PCDH9: variants seen among roughly 807,000 people sequenced by gnomAD.
PCDH9 encodes protocadherin 9.
PCDH9 carries 24 observed loss-of-function variants against 70.6 expected under a neutral mutation model. That is an observed-to-expected ratio of 0.34 (90% CI 0.25 to 0.48). The LOEUF is 0.48. PCDH9 is among the 20% of genes least tolerant of loss of function. PCDH9 has a pLI of 0.99. For synonymous variants in PCDH9, 562 were observed against 558.5 expected (o/e 1.01, Z -0.09); for missense variants, 1,281 against 1,503.6 (o/e 0.85, Z 2.45).
intron 3 of PCDH9, among the ~76,000 whole-genome samples, chr13:66,713,349 G>T (rs966673484): frequency 1.3e-5 from 2 of 151,734 alleles, no homozygotes; most frequent in Non-Finnish European, 2.9e-5. Flanking sequence ...TAAAATGATT[G>T]CTGTCTTAGG....
intron 3 of PCDH9, among the ~76,000 whole-genome samples, chr13:66,756,867 G>T (rs1339476240): frequency 6.6e-6 from 1 of 152,064 alleles, no homozygotes; most frequent in Non-Finnish European, 1.5e-5. Context: ...CAGAGTCCTA[G>T]CTCCATCACC....
rs997886170 is a variant in PCDH9 at position 66,730,249 on chromosome 13, C to A, written c.3139-98838G>T. 5.9e-5 allele frequency among the ~76,000 whole-genome samples: 9 copies of A among 152,102 alleles called. 1 individual carries two copies. The South Asian group carries it at 1.9e-3, about 32-fold the overall frequency. On this transcript the variant is annotated intron_variant, in intron 3 of 4. Transcript: ENST00000377865. ...TTTTCTTTTAAACTGAAGATATTGA[C>A]AAGCTTTCCTGTCATTTAAAAATAT...
At chr13:66,628,863 C>T (rs2077533267) in intron 4 of PCDH9, among the ~76,000 whole-genome samples, 2 of 151,938 alleles carry the variant, frequency 1.3e-5, no homozygotes, top group Non-Finnish European at 2.9e-5. Context: ...CTCAGTTGGC[C>T]CTGGCTAAAA....
intron 4 of PCDH9, among the ~76,000 whole-genome samples, chr13:66,625,748 C>A (rs2077489857): frequency 6.6e-6 from 1 of 151,762 alleles, no homozygotes; most frequent in Admixed American, 6.6e-5. Flanking sequence ...GCAATTTCCA[C>A]CTCCTGGGTT....
chr13:67,195,448 TCTTTA>T (rs1243439525), intron 2 of PCDH9, among the ~76,000 whole-genome samples: 1 of 152,114 alleles, frequency 6.6e-6, no homozygotes, highest in Non-Finnish European at 1.5e-5. Context: ...CATTTTGAGA[TCTTTA>T]AAAGTAACTG....
chr13:66,509,644 G>A (rs184242901), intron 4 of PCDH9, among the ~76,000 whole-genome samples: 1 of 152,106 alleles, frequency 6.6e-6, no homozygotes, highest in Non-Finnish European at 1.5e-5. Context: ...GTAGAGACAA[G>A]GTCTCATTAT....
intron 2 of PCDH9, among the ~76,000 whole-genome samples, chr13:67,057,483 T>C (rs2085445991): frequency 6.6e-6 from 1 of 151,974 alleles, no homozygotes; most frequent in African/African-American, 2.4e-5. Flanking sequence ...ACTTTTTTCC[T>C]GGGGAGGCAT....
At chr13:67,024,837 A>G (rs530025399) in intron 2 of PCDH9, among the ~76,000 whole-genome samples, 27 of 152,254 alleles carry the variant, frequency 1.8e-4, no homozygotes, top group African/African-American at 6.5e-4. Flanking sequence ...ACTCTTTTCC[A>G]TATTTAAAAA....
chr13:66,940,285 G>T (rs75779611), intron 2 of PCDH9, among the ~76,000 whole-genome samples: 3 of 152,080 alleles, frequency 2.0e-5, no homozygotes, highest in Non-Finnish European at 4.4e-5. Flanking sequence ...ACATCCTGAC[G>T]AATGAGTCAT....
At chr13:66,646,804 G>A (rs2077777008) in intron 3 of PCDH9, among the ~76,000 whole-genome samples, 1 of 152,202 alleles carries the variant, frequency 6.6e-6, no homozygotes, top group African/African-American at 2.4e-5. Flanking sequence ...TTGAAGAGGG[G>A]TAGAAAAGAA....
intron 2 of PCDH9, among the ~76,000 whole-genome samples, chr13:67,151,194 A>T (rs1925753): frequency 0.61 from 89,957 of 146,414 alleles, 27,032 homozygotes; most frequent in Middle Eastern, 0.7. Context: ...CTCCTTTTTT[A>T]AAAAAAAATC....
At chr13:66,684,022 G>A (rs2078365027) in intron 3 of PCDH9, among the ~76,000 whole-genome samples, 1 of 152,176 alleles carries the variant, frequency 6.6e-6, no homozygotes, top group Non-Finnish European at 1.5e-5. Context: ...CTTCCAGGGA[G>A]AGGGATGTTT....
At chr13:66,408,698 ACT>A (rs1027084297) in intron 4 of PCDH9, among the ~76,000 whole-genome samples, 1 of 145,336 alleles carries the variant, frequency 6.9e-6, no homozygotes, top group Admixed American at 6.9e-5. Context: ...GCTTTACCCC[ACT>A]CTCTCTTTTT....
chr13:66,446,015 T>C (rs1958081742), intron 4 of PCDH9, among the ~76,000 whole-genome samples: 1 of 151,822 alleles, frequency 6.6e-6, no homozygotes, highest in Admixed American at 6.6e-5. Flanking sequence ...AACTTGTCTT[T>C]CAAACTATTT....
intron 2 of PCDH9, among the ~76,000 whole-genome samples, chr13:67,159,431 T>TACTACTGGCAC (rs1411777572): frequency 5.9e-5 from 9 of 152,310 alleles, no homozygotes; most frequent in African/African-American, 1.9e-4. Flanking sequence ...ACATCTGGCA[T>TACTACTGGCAC]ACTACTGGCA....
At chr13:66,546,924 A>G (rs1213518197) in intron 4 of PCDH9, among the ~76,000 whole-genome samples, 1 of 152,208 alleles carries the variant, frequency 6.6e-6, no homozygotes, top group African/African-American at 2.4e-5. Context: ...TTCCTAGCCT[A>G]GGAGCAAATT....
chr13:67,109,502 C>T (rs2086613767), intron 2 of PCDH9, among the ~76,000 whole-genome samples: 1 of 152,174 alleles, frequency 6.6e-6, no homozygotes, highest in South Asian at 2.1e-4. Flanking sequence ...CTTCCCTATT[C>T]ATAAGCACAA....
rs73503886 is a variant in PCDH9 at position 66,305,836 on chromosome 13, T to C, written c.3341-808A>G. 9.3e-3 allele frequency among the ~76,000 whole-genome samples: 1,420 copies of C among 152,222 alleles called. 25 individuals carry two copies. The highest frequency in any genetic ancestry group is 0.032 in the African/African-American group (1,332 of 41,572). ...ACATTCAGGGGGAAGAAAGTGATCATAGAATTTATCTTCTACTTTTTTCAC... is the reference window on the plus strand; with the variant it reads ...ACATTCAGGGGGAAGAAAGTGATCACAGAATTTATCTTCTACTTTTTTCAC... On this transcript the variant is annotated intron_variant, in intron 4 of 4. Transcript: ENST00000377865.
chr13:66,908,386 G>C (rs1363785482), intron 2 of PCDH9, among the ~76,000 whole-genome samples: 2 of 152,308 alleles, frequency 1.3e-5, no homozygotes, highest in East Asian at 3.9e-4. Context: ...GAAAGGACTA[G>C]AGAGGATAAA....
Sources: allele counts gnomAD v4.1 joint callset (sites outside exome capture counted in the v4.1 genomes callset), GRCh38; gene constraint gnomAD v4.1.1; transcripts MANE v1.5; gene names NCBI Gene and HGNC (gene_info 2026-07-23, HGNC 2026-07-21).